Variants in ERBB4 observed in about 807,000 individuals in gnomAD.
The protein encoded by ERBB4 is receptor tyrosine-protein kinase erbB-4.
A neutral mutation model predicts 158.0 loss-of-function variants in ERBB4; 42 were observed. The observed-to-expected ratio is 0.27, with a 90% CI of 0.21 to 0.34. The LOEUF (loss-of-function observed/expected upper bound fraction) is 0.34, where lower values mean the gene tolerates loss of function less well. Among genes scored for constraint, ERBB4 ranks in the 10% least tolerant of loss-of-function variants. The pLI, the probability that ERBB4 is intolerant of heterozygous loss-of-function variation, is 1.00. For missense variants in ERBB4, 1,333 were observed against 1,624.1 expected (o/e 0.82, Z 3.08); for synonymous variants, 583 against 558.7 (o/e 1.04, Z -0.61).
At chr2:211,613,948 A>G (rs1440521901) in intron 19 of ERBB4, among the ~76,000 whole-genome samples, 2 of 152,076 alleles carry the variant, frequency 1.3e-5, no homozygotes, top group Non-Finnish European at 2.9e-5. Flanking sequence ...AAATCAATAT[A>G]TCAAAGAGAT....
chr2:212,006,868 G>A (rs1264557634), intron 2 of ERBB4, among the ~76,000 whole-genome samples: 1 of 151,896 alleles, frequency 6.6e-6, no homozygotes, highest in Non-Finnish European at 1.5e-5. Context: ...ATTTAAGCTG[G>A]ACATCCCTTT....
At chr2:211,987,341 A>AAAAAAAAAAG (rs1215048952) in intron 2 of ERBB4, among the ~76,000 whole-genome samples, 7,541 of 124,068 alleles carry the variant, frequency 0.061, 519 homozygotes, top group East Asian at 0.15. Context: ...AAAAAAAAAA[A>AAAAAAAAAAG]AAAGAAAGAA....
At chr2:211,840,101 A>G (rs1363564741) in intron 3 of ERBB4, among the ~76,000 whole-genome samples, 1 of 152,032 alleles carries the variant, frequency 6.6e-6, no homozygotes, top group East Asian at 1.9e-4. Context: ...CTCATCTTGA[A>G]TTGTAACTCC....
At chr2:211,779,568 C>T (rs1020779044) in intron 4 of ERBB4, 3 of 152,186 alleles carry the variant, frequency 2.0e-5, no homozygotes, top group Non-Finnish European at 2.9e-5. Context: ...CTGATGCATA[C>T]ACCACGTGAA....
intron 3 of ERBB4, among the ~76,000 whole-genome samples, chr2:211,880,876 T>C (rs993041505): frequency 6.6e-6 from 1 of 152,172 alleles, no homozygotes; most frequent in Non-Finnish European, 1.5e-5. Context: ...AAGGAAAATA[T>C]TCATCTTGTT....
intron 2 of ERBB4, among the ~76,000 whole-genome samples, chr2:212,007,051 A>G (rs1669210232): frequency 1.3e-5 from 2 of 152,036 alleles, no homozygotes; most frequent in South Asian, 4.1e-4. Flanking sequence ...TGCTAATAGT[A>G]AAAATGGTAA....
intron 1 of ERBB4, among the ~76,000 whole-genome samples, chr2:212,261,875 A>T (rs991140468): frequency 1.1e-4 from 17 of 152,138 alleles, no homozygotes; most frequent in Admixed American, 6.6e-5. Flanking sequence ...ATGGGTTTTG[A>T]TGCTTATAAA....
intron 19 of ERBB4, among the ~76,000 whole-genome samples, chr2:211,602,986 T>C (rs148903307): frequency 0.03 from 4,537 of 152,128 alleles, 212 homozygotes; most frequent in African/African-American, 0.1. Flanking sequence ...TCCAGCACTT[T>C]GGGAGGCTGA....
intron 3 of ERBB4, among the ~76,000 whole-genome samples, chr2:211,808,518 T>C (rs2076672809): frequency 6.6e-6 from 1 of 152,342 alleles, no homozygotes; most frequent in African/African-American, 2.4e-5. Flanking sequence ...CAATGCTGTT[T>C]TGGTTACTAT....
chr2:211,582,901 T>C (rs1403000773), intron 19 of ERBB4, among the ~76,000 whole-genome samples: 1 of 152,130 alleles, frequency 6.6e-6, no homozygotes, highest in Non-Finnish European at 1.5e-5. Context: ...AACTAGGCAA[T>C]TATATGTTAT....
At chr2:211,864,153 T>C (rs1418768568) in intron 3 of ERBB4, among the ~76,000 whole-genome samples, 1 of 152,226 alleles carries the variant, frequency 6.6e-6, no homozygotes, top group Non-Finnish European at 1.5e-5. Flanking sequence ...TTGCCATTTC[T>C]TGATTCCTTT....
intron 1 of ERBB4, among the ~76,000 whole-genome samples, chr2:212,229,124 T>C (rs1051189987): frequency 6.6e-5 from 10 of 152,196 alleles, no homozygotes; most frequent in African/African-American, 2.4e-4. Context: ...GTGAATAATG[T>C]ACAGTGTTGC....
At chr2:211,587,225 G>A (rs907313602) in intron 19 of ERBB4, among the ~76,000 whole-genome samples, 8 of 151,726 alleles carry the variant, frequency 5.3e-5, no homozygotes, top group African/African-American at 1.7e-4. Flanking sequence ...GCGTGGTGGC[G>A]AGCACCTGTA....
At chr2:212,482,771 C>G (rs1689769315) in intron 1 of ERBB4, among the ~76,000 whole-genome samples, 1 of 152,094 alleles carries the variant, frequency 6.6e-6, no homozygotes, top group African/African-American at 2.4e-5. Flanking sequence ...CATGGGTCAC[C>G]ATGCCCGGCA....
At chr2:211,517,638 T>C (rs1027459451) in intron 20 of ERBB4, among the ~76,000 whole-genome samples, 2 of 152,166 alleles carry the variant, frequency 1.3e-5, no homozygotes, top group African/African-American at 4.8e-5. Context: ...TCTCTGACAT[T>C]TACATTATTT....
At chr2:211,813,183 A>C (rs2076798857) in intron 3 of ERBB4, among the ~76,000 whole-genome samples, 1 of 152,228 alleles carries the variant, frequency 6.6e-6, no homozygotes, top group African/African-American at 2.4e-5. Context: ...TTGGAATGGA[A>C]ATCAAGATTG....
At chr2:212,147,557 A>C (rs557051331) in intron 1 of ERBB4, among the ~76,000 whole-genome samples, 1 of 152,246 alleles carries the variant, frequency 6.6e-6, no homozygotes, top group South Asian at 2.1e-4. Flanking sequence ...ATATAAAATG[A>C]AGCACTCACA....
At chr2:212,266,838 AAC>A (rs2106105098) in intron 1 of ERBB4, among the ~76,000 whole-genome samples, 1 of 152,144 alleles carries the variant, frequency 6.6e-6, no homozygotes, top group South Asian at 2.1e-4. Flanking sequence ...AGGTTAAAAA[AAC>A]ACAACAAATT....
At chr2:211,572,554 G>T (rs576242386) in intron 19 of ERBB4, among the ~76,000 whole-genome samples, 20 of 152,154 alleles carry the variant, frequency 1.3e-4, no homozygotes, top group Non-Finnish European at 2.8e-4. Context: ...AACAGAGTGA[G>T]TTTGGTACTT....
Sources: allele counts gnomAD v4.1 joint callset (sites outside exome capture counted in the v4.1 genomes callset), GRCh38; gene constraint gnomAD v4.1.1; transcripts MANE v1.5; gene names NCBI Gene and HGNC (gene_info 2026-07-23, HGNC 2026-07-21).